The following TMEM132D variants were observed in gnomAD, a reference collection of about 807,000 sequenced individuals.
TMEM132D encodes the protein transmembrane protein 132D.
Under a neutral mutation model 62.3 loss-of-function variants are expected in TMEM132D, and 21 were observed. The observed-to-expected ratio is 0.34, with a 90% confidence interval of 0.24 to 0.49. The LOEUF is 0.49. Ranked by LOEUF, TMEM132D falls within the 20% of genes least tolerant of loss-of-function variation. The probability of loss-of-function intolerance (pLI) is 0.99; values close to 1 mark genes in which losing one functional copy is unlikely to be tolerated. For synonymous variants in TMEM132D, 621 were observed against 575.6 expected (o/e 1.08, Z -1.13); for missense variants, 1,346 against 1,402.8 (o/e 0.96, Z 0.65).
chr12:129,083,554 C>A (rs931973145), intron 6 of TMEM132D, among the ~76,000 whole-genome samples: 6 of 152,188 alleles, frequency 3.9e-5, no homozygotes, highest in Non-Finnish European at 7.3e-5. Context: ...CAGCTCCCAA[C>A]TGTCCCTGAG....
chr12:129,376,268 T>C lies in TMEM132D; in HGVS notation c.1116-38451A>G, dbSNP rs184809781. On this transcript the variant is annotated intron_variant, in intron 3 of 8. Transcript: ENST00000422113. ...TGATGCATAAAGGAAAGATGGTTAATGGACTCACAGTTCAGCATGGTTGGG... is the reference window on the plus strand; with the variant it reads ...TGATGCATAAAGGAAAGATGGTTAACGGACTCACAGTTCAGCATGGTTGGG... Among the ~76,000 whole-genome samples, 333 of 152,314 alleles carry C rather than the reference T, an allele frequency of 2.2e-3. 7 individuals carry two copies. The highest frequency in any genetic ancestry group is 5.3e-4 in the Non-Finnish European group (36 of 68,032).
At chr12:129,860,120 C>A (rs1407520611) in intron 1 of TMEM132D, among the ~76,000 whole-genome samples, 2 of 152,160 alleles carry the variant, frequency 1.3e-5, no homozygotes, top group African/African-American at 4.8e-5. Flanking sequence ...AAGCAGCTGC[C>A]CCTAGACAGG....
At chr12:129,469,640 G>A (rs900268369) in intron 3 of TMEM132D, among the ~76,000 whole-genome samples, 1 of 152,234 alleles carries the variant, frequency 6.6e-6, no homozygotes, top group African/African-American at 2.4e-5. Context: ...CGGACCCAGA[G>A]AGTGGGAACC....
At chr12:129,677,064 G>A (rs1880649102) in intron 2 of TMEM132D, among the ~76,000 whole-genome samples, 1 of 152,160 alleles carries the variant, frequency 6.6e-6, no homozygotes, top group South Asian at 2.1e-4. Flanking sequence ...GATCACTTTG[G>A]TGATTTGCTG....
chr12:129,643,940 G>A (rs375028743), intron 2 of TMEM132D, among the ~76,000 whole-genome samples: 10 of 150,680 alleles, frequency 6.6e-5, no homozygotes, highest in East Asian at 2.0e-4. Flanking sequence ...GTGCAACCTC[G>A]GCCTCCTGGG....
chr12:129,289,931 G>T (rs115237995), intron 4 of TMEM132D, among the ~76,000 whole-genome samples: 1 of 152,140 alleles, frequency 6.6e-6, no homozygotes, highest in South Asian at 2.1e-4. Flanking sequence ...CTAAGCAGAC[G>T]CAGCCACCCT....
At chr12:129,246,257 T>C (rs1020907050) in intron 4 of TMEM132D, among the ~76,000 whole-genome samples, 1 of 151,970 alleles carries the variant, frequency 6.6e-6, no homozygotes, top group Admixed American at 6.6e-5. Context: ...AAATTAAAAA[T>C]GAGGAAACAG....
intron 1 of TMEM132D, among the ~76,000 whole-genome samples, chr12:129,901,700 G>T (rs1875357661): frequency 6.6e-6 from 1 of 152,124 alleles, no homozygotes; most frequent in African/African-American, 2.4e-5. Context: ...ACACTGCTCA[G>T]TCTAATAAAG....
intron 1 of TMEM132D, among the ~76,000 whole-genome samples, chr12:129,771,977 G>GGAC (rs1870768904): frequency 6.6e-6 from 1 of 152,084 alleles, no homozygotes; most frequent in African/African-American, 2.4e-5. Flanking sequence ...TATAAACAAA[G>GGAC]GACGGCAGTG....
At chr12:129,309,859 A>G (rs1341750963) in intron 4 of TMEM132D, among the ~76,000 whole-genome samples, 2 of 152,266 alleles carry the variant, frequency 1.3e-5, no homozygotes, top group East Asian at 1.9e-4. Context: ...AAAAAAAACT[A>G]TAAGAAAATA....
intron 2 of TMEM132D, among the ~76,000 whole-genome samples, chr12:129,534,306 T>C (rs1161437726): frequency 6.6e-6 from 1 of 152,104 alleles, no homozygotes; most frequent in African/African-American, 2.4e-5. Flanking sequence ...GCCATAATTT[T>C]CCCCATAGTA....
intron 5 of TMEM132D, 98 bp downstream of exon 5, chr12:129,209,422 C>T (rs1878958110): frequency 7.1e-7 from 1 of 1,415,982 alleles, no homozygotes; most frequent in Middle Eastern, 1.8e-4. Flanking sequence ...CTGTGGGACC[C>T]AGAGGTCCCA....
At chr12:129,354,223 A>G (rs2135670041) in intron 3 of TMEM132D, among the ~76,000 whole-genome samples, 1 of 152,168 alleles carries the variant, frequency 6.6e-6, no homozygotes, top group Middle Eastern at 3.4e-3. Flanking sequence ...AAGGCCAATA[A>G]GGAATATCTT....
intron 4 of TMEM132D, among the ~76,000 whole-genome samples, chr12:129,255,065 T>C (rs1333001772): frequency 6.6e-6 from 1 of 152,096 alleles, no homozygotes; most frequent in Non-Finnish European, 1.5e-5. Context: ...TTTAAAAGTG[T>C]GTGGCACCTC....
At chr12:129,145,704 CA>C (rs1330158860) in intron 5 of TMEM132D, among the ~76,000 whole-genome samples, 17 of 152,094 alleles carry the variant, frequency 1.1e-4, no homozygotes, top group Admixed American at 1.1e-3. Flanking sequence ...CACCCTCTGC[CA>C]AAAACCCAGC....
At chr12:129,207,305 A>G (rs571969711) in intron 5 of TMEM132D, among the ~76,000 whole-genome samples, 5 of 152,128 alleles carry the variant, frequency 3.3e-5, no homozygotes, top group African/African-American at 1.2e-4. Flanking sequence ...CAGACGATGA[A>G]TACAGCACCG....
At chr12:129,823,727 C>A (rs546383176) in intron 1 of TMEM132D, among the ~76,000 whole-genome samples, 4 of 152,180 alleles carry the variant, frequency 2.6e-5, no homozygotes, top group African/African-American at 9.7e-5. Context: ...AACAAATTTG[C>A]GGCTCTATCA....
rs536138595 is a variant in TMEM132D at position 129,397,237 on chromosome 12, G to A, written c.1116-59420C>T. Among the ~76,000 whole-genome samples, 78 of 152,204 alleles carry A rather than the reference G, an allele frequency of 5.1e-4. 1 individual carries two copies. Among genetic ancestry groups the A allele is most frequent in the Non-Finnish European group, 9.1e-4 (62 of 68,010 alleles). Reference sequence around the variant, plus strand: ...TAGATGTTTATTAATCTCTTCAAATGGTCTTTTGTAAATTCTTCTTTGCCC... The same window carrying A: ...TAGATGTTTATTAATCTCTTCAAATAGTCTTTTGTAAATTCTTCTTTGCCC... On this transcript the variant is annotated intron_variant, in intron 3 of 8. Coordinates refer to ENST00000422113, the MANE Select transcript of TMEM132D (RefSeq NM_133448.3).
intron 2 of TMEM132D, among the ~76,000 whole-genome samples, chr12:129,642,130 A>T (rs1297932373): frequency 6.6e-6 from 1 of 152,140 alleles, no homozygotes; most frequent in African/African-American, 2.4e-5. Context: ...GAGGAAGTCT[A>T]ACGGAAGGGG....
Sources: gnomAD v4.1 joint callset for allele counts (sites outside exome capture counted in the v4.1 genomes callset) on GRCh38, gnomAD v4.1.1 for gene constraint, MANE v1.5 for transcripts, NCBI Gene and HGNC (gene_info 2026-07-23, HGNC 2026-07-21) for gene names.